The following ZMAT4 variants were observed in gnomAD, a reference collection of about 807,000 sequenced individuals.
ZMAT4 encodes the protein zinc finger matrin-type protein 4.
ZMAT4 carries 17 observed loss-of-function variants against 28.7 expected under a neutral mutation model. The observed-to-expected ratio is 0.59, with a 90% CI of 0.41 to 0.89. ZMAT4 has a LOEUF of 0.89. ZMAT4 is among the 40% of genes least tolerant of loss of function. The pLI is 0.00. For missense variants in ZMAT4, 240 were observed against 283.8 expected, an observed-to-expected ratio of 0.85 and a Z score of 1.11; for synonymous variants, 117 against 109.2, an observed-to-expected ratio of 1.07 and a Z score of -0.44.
At chr8:40,772,617 T>C (rs1483162738) in intron 2 of ZMAT4, among the ~76,000 whole-genome samples, 1 of 151,972 alleles carries the variant, frequency 6.6e-6, no homozygotes, top group East Asian at 2.0e-4. Flanking sequence ...TTCATCATCT[T>C]ATTTCATCCC....
chr8:40,742,586 C>T (rs1300783852), intron 3 of ZMAT4, among the ~76,000 whole-genome samples: 1 of 152,086 alleles, frequency 6.6e-6, no homozygotes, highest in Non-Finnish European at 1.5e-5. Context: ...AATGTACAAA[C>T]TGATTTTATA....
chr8:40,845,729 C>T (rs913564406), intron 1 of ZMAT4, among the ~76,000 whole-genome samples: 4 of 145,858 alleles, frequency 2.7e-5, no homozygotes, highest in Admixed American at 6.8e-5. Flanking sequence ...TTTTTAGAAG[C>T]CTGCTATGAA....
At chr8:40,790,435 ATG>A (rs1814273722) in intron 2 of ZMAT4, among the ~76,000 whole-genome samples, 3 of 152,214 alleles carry the variant, frequency 2.0e-5, no homozygotes. Context: ...TTTTAAAAAG[ATG>A]GATCTCATTC....
intron 5 of ZMAT4, among the ~76,000 whole-genome samples, chr8:40,633,965 G>T (rs1266474081): frequency 6.6e-6 from 1 of 152,156 alleles, no homozygotes; most frequent in Non-Finnish European, 1.5e-5. Flanking sequence ...GCAGCTGAGT[G>T]ACATCTCCTG....
At chr8:40,833,009 T>C (rs1250309153) in intron 1 of ZMAT4, among the ~76,000 whole-genome samples, 2 of 152,188 alleles carry the variant, frequency 1.3e-5, no homozygotes, top group Non-Finnish European at 2.9e-5. Context: ...CCTGCCACTG[T>C]CCTTCTGTGG....
intron 2 of ZMAT4, among the ~76,000 whole-genome samples, chr8:40,813,775 T>G (rs1167657700): frequency 1.6e-4 from 25 of 152,298 alleles, no homozygotes. Context: ...GGGAAGGATT[T>G]CTCGGACCAG....
intron 5 of ZMAT4, among the ~76,000 whole-genome samples, chr8:40,667,094 C>T (rs1277343346): frequency 6.6e-6 from 1 of 151,872 alleles, no homozygotes; most frequent in South Asian, 2.1e-4. Flanking sequence ...TAAATCATAG[C>T]TGCATAAAGT....
intron 6 of ZMAT4, among the ~76,000 whole-genome samples, chr8:40,552,839 G>T (rs1216601325): frequency 1.3e-5 from 2 of 152,100 alleles, no homozygotes. Flanking sequence ...TTCAAGAGGA[G>T]GAGCCTAATC....
chr8:40,641,608 T>C (rs1362250928), intron 5 of ZMAT4, among the ~76,000 whole-genome samples: 1 of 152,222 alleles, frequency 6.6e-6, no homozygotes, highest in East Asian at 1.9e-4. Context: ...ATGTACACCT[T>C]TGAAACCATC....
At position 40,691,416 on chromosome 8, in the gene ZMAT4, AAAAGAG is replaced by A. The variant is rs576609077; in HGVS notation, c.349+5823_349+5828del. On this transcript the variant is annotated intron_variant, in intron 4 of 6. Coordinates refer to ENST00000297737, the MANE Select transcript of ZMAT4 (RefSeq NM_024645.3). ...ACTAAATAGACTGCAAAAAAAAAAA[AAAAGAG>A]AGAGAGACTTGTTTACAGAATGAGA... Among the ~76,000 whole-genome samples, 1,403 of 152,186 alleles carry A rather than the reference AAAAGAG, an allele frequency of 9.2e-3. 11 individuals are homozygous for A. Among genetic ancestry groups the A allele is most frequent in the Admixed American group, 0.015 (225 of 15,272 alleles).
chr8:40,630,566 T>C (rs1373474695), intron 5 of ZMAT4, among the ~76,000 whole-genome samples: 2 of 152,168 alleles, frequency 1.3e-5, no homozygotes. Context: ...TGGGAAGTAT[T>C]TGGCAGTGGT....
intron 5 of ZMAT4, among the ~76,000 whole-genome samples, chr8:40,606,001 C>A (rs1805567110): frequency 6.6e-6 from 1 of 152,142 alleles, no homozygotes; most frequent in Non-Finnish European, 1.5e-5. Flanking sequence ...ACTTCTGTCA[C>A]TTTTGGTGTC....
chr8:40,531,986 G>C lies in ZMAT4; in HGVS notation c.*237C>G. On this transcript the variant is annotated 3_prime_UTR_variant, in exon 7 of 7. Transcript: ENST00000297737. ...AGAACATGTGCTAAATATGTTATCA[G>C]GAAAGAATTTAAAAATCCATCCAAA... 1 of 375,542 alleles carries C rather than the reference G, an allele frequency of 2.7e-6. No individual in the cohort carries two copies. The highest frequency in any genetic ancestry group is 4.7e-6 in the Non-Finnish European group (1 of 211,868). The allele number at this position is 375,542 out of a possible 1,614,324, so 23.3% of individuals were successfully genotyped here.
intron 4 of ZMAT4, among the ~76,000 whole-genome samples, chr8:40,696,270 C>T (rs1809880735): frequency 6.6e-6 from 1 of 152,092 alleles, no homozygotes; most frequent in Non-Finnish European, 1.5e-5. Flanking sequence ...TAAAAGAATA[C>T]ATTTTTTCTT....
chr8:40,564,981 C>G (rs1236851451), intron 6 of ZMAT4, among the ~76,000 whole-genome samples: 1 of 152,152 alleles, frequency 6.6e-6, no homozygotes, highest in Admixed American at 6.5e-5. Context: ...ACTCTTTTAT[C>G]TGTACACTGT....
intron 1 of ZMAT4, among the ~76,000 whole-genome samples, chr8:40,877,916 C>T (rs374706216): frequency 2.0e-5 from 3 of 152,126 alleles, no homozygotes; most frequent in Non-Finnish European, 4.4e-5. Flanking sequence ...GGAGAGGGAA[C>T]CCAAGTCCCG....
At chr8:40,860,359 C>T (rs752480729) in intron 1 of ZMAT4, among the ~76,000 whole-genome samples, 4 of 152,080 alleles carry the variant, frequency 2.6e-5, no homozygotes, top group East Asian at 1.9e-4. Flanking sequence ...ACACTCTGTC[C>T]GCAGGATTTA....
intron 6 of ZMAT4, among the ~76,000 whole-genome samples, chr8:40,544,381 T>C (rs1803133565): frequency 6.6e-6 from 1 of 152,172 alleles, no homozygotes; most frequent in Admixed American, 6.5e-5. Context: ...CAGGTAAGAC[T>C]ACATAACTAC....
At chr8:40,688,449 C>A (rs1219437901) in intron 4 of ZMAT4, among the ~76,000 whole-genome samples, 1 of 151,928 alleles carries the variant, frequency 6.6e-6, no homozygotes, top group Non-Finnish European at 1.5e-5. Context: ...GGGCAAGACT[C>A]CATCTCAAAA....
Sources: gnomAD v4.1 joint callset for allele counts (sites outside exome capture counted in the v4.1 genomes callset) on GRCh38, gnomAD v4.1.1 for gene constraint, MANE v1.5 for transcripts, NCBI Gene and HGNC (gene_info 2026-07-23, HGNC 2026-07-21) for gene names.